Variants in GPC5 observed in about 807,000 individuals in gnomAD.
GPC5 encodes the protein glypican 5.
In GPC5, 47 loss-of-function variants were observed where a neutral mutation model predicts 53.9. The observed-to-expected ratio is 0.87, with a 90% CI of 0.69 to 1.11. GPC5 has a LOEUF of 1.11. GPC5 is among the 50% of genes most tolerant of loss of function. GPC5 has a pLI of 0.00. For synonymous variants in GPC5, 286 were observed against 263.3 expected (o/e 1.09, Z -0.84); for missense variants, 748 against 713.1 (o/e 1.05, Z -0.56).
intron 6 of GPC5, among the ~76,000 whole-genome samples, chr13:91,953,591 C>T (rs2040046825): frequency 6.6e-6 from 1 of 152,128 alleles, no homozygotes; most frequent in South Asian, 2.1e-4. Flanking sequence ...TAGGATTGCC[C>T]TAGTTCATTC....
At chr13:91,919,482 A>C (rs748222938) in intron 6 of GPC5, among the ~76,000 whole-genome samples, 2 of 152,228 alleles carry the variant, frequency 1.3e-5, no homozygotes, top group Non-Finnish European at 2.9e-5. Flanking sequence ...AAAACCATTT[A>C]GTTAATCACT....
At chr13:92,815,503 A>G (rs1265580758) in intron 7 of GPC5, among the ~76,000 whole-genome samples, 1 of 151,956 alleles carries the variant, frequency 6.6e-6, no homozygotes, top group Non-Finnish European at 1.5e-5. Context: ...ACTAATAGTC[A>G]TAGCCTGATT....
intron 5 of GPC5, among the ~76,000 whole-genome samples, chr13:91,782,993 G>GA (rs551543138): frequency 2.7e-3 from 402 of 147,112 alleles, no homozygotes; most frequent in African/African-American, 3.9e-3. Context: ...CATTGATTTT[G>GA]AAAAAAAAAA....
At chr13:92,230,374 G>T (rs12431208) in intron 7 of GPC5, among the ~76,000 whole-genome samples, 35,407 of 151,918 alleles carry the variant, frequency 0.23, 4,353 homozygotes, top group African/African-American at 0.31. Context: ...ATGTAATACT[G>T]GTTACTACCA....
At chr13:92,463,117 C>A (rs1280786686) in intron 7 of GPC5, among the ~76,000 whole-genome samples, 1 of 152,122 alleles carries the variant, frequency 6.6e-6, no homozygotes, top group Non-Finnish European at 1.5e-5. Context: ...AGGGCTTCAC[C>A]AGAACCTCAC....
At chr13:92,143,893 A>G (rs2041848196) in intron 6 of GPC5, among the ~76,000 whole-genome samples, 1 of 152,082 alleles carries the variant, frequency 6.6e-6, no homozygotes, top group African/African-American at 2.4e-5. Context: ...GTCTTTCATA[A>G]AGTGCTGTGA....
chr13:92,090,313 A>G (rs1016855135), intron 6 of GPC5, among the ~76,000 whole-genome samples: 2 of 152,174 alleles, frequency 1.3e-5, no homozygotes, highest in Non-Finnish European at 2.9e-5. Context: ...CCAAAATTCA[A>G]CTGTTGAAAT....
intron 1 of GPC5, among the ~76,000 whole-genome samples, chr13:91,404,072 C>G (rs1877146265): frequency 6.6e-6 from 1 of 152,174 alleles, no homozygotes; most frequent in Non-Finnish European, 1.5e-5. Flanking sequence ...ACCCCCCAAT[C>G]CCTATTATTT....
At chr13:91,716,631 A>G (rs1594470918) in intron 3 of GPC5, among the ~76,000 whole-genome samples, 1 of 152,164 alleles carries the variant, frequency 6.6e-6, no homozygotes, top group Non-Finnish European at 1.5e-5. Flanking sequence ...GCATTTGTCT[A>G]TCAAATATGT....
Position 92,300,352 on chromosome 13 carries a change from C to T in GPC5, c.1561+155363C>T, listed in dbSNP as rs188316354. ...TAAAGCAGTGGTTCTCAAACTTTAG[C>T]TACAGTAGAATCACCTGGAGAGTGT... On this transcript the variant is annotated intron_variant, in intron 7 of 7. Coordinates refer to ENST00000377067, the MANE Select transcript of GPC5 (RefSeq NM_004466.6). Among the ~76,000 whole-genome samples the T allele has an allele frequency of 1.4e-4, 22 of 152,268 alleles. No individual in the cohort carries two copies. The East Asian group carries it at 4.3e-3, about 29-fold the overall frequency.
At chr13:92,297,326 C>G (rs1301679764) in intron 7 of GPC5, among the ~76,000 whole-genome samples, 1 of 150,862 alleles carries the variant, frequency 6.6e-6, no homozygotes, top group Non-Finnish European at 1.5e-5. Context: ...CTGTATCTAG[C>G]TCAAGGTTTG....
At chr13:92,832,739 G>A (rs1293780919) in intron 7 of GPC5, among the ~76,000 whole-genome samples, 2 of 152,128 alleles carry the variant, frequency 1.3e-5, no homozygotes, top group Non-Finnish European at 2.9e-5. Flanking sequence ...CTGGCATGGT[G>A]GCTCACACCT....
At chr13:92,243,386 T>A (rs1234308140) in intron 7 of GPC5, among the ~76,000 whole-genome samples, 3 of 152,078 alleles carry the variant, frequency 2.0e-5, no homozygotes, top group Admixed American at 6.6e-5. Context: ...TTTCAAGAAG[T>A]AGATTAAAGA....
intron 7 of GPC5, among the ~76,000 whole-genome samples, chr13:92,544,876 A>G (rs1181342559): frequency 6.6e-6 from 1 of 151,956 alleles, no homozygotes; most frequent in East Asian, 1.9e-4. Context: ...GGTAAAGTTA[A>G]AAAACTCTCA....
At chr13:92,308,059 A>G (rs1366120972) in intron 7 of GPC5, among the ~76,000 whole-genome samples, 1 of 152,174 alleles carries the variant, frequency 6.6e-6, no homozygotes, top group Non-Finnish European at 1.5e-5. Flanking sequence ...CAAGGTAATC[A>G]TTATGTGTTC....
At chr13:91,725,211 A>T (rs1178241955) in intron 3 of GPC5, 1 of 152,260 alleles carries the variant, frequency 6.6e-6, no homozygotes, top group African/African-American at 2.4e-5. Context: ...CTGGGAAGGA[A>T]CTGAAAACCG....
intron 7 of GPC5, among the ~76,000 whole-genome samples, chr13:92,713,947 G>A (rs1888239823): frequency 6.6e-6 from 1 of 152,096 alleles, no homozygotes; most frequent in East Asian, 1.9e-4. Flanking sequence ...AGTTCACCAA[G>A]CAATTCCAGA....
chr13:92,432,202 C>T (rs1036937586), intron 7 of GPC5, among the ~76,000 whole-genome samples: 1 of 152,136 alleles, frequency 6.6e-6, no homozygotes. Flanking sequence ...GAGAGCATCA[C>T]CAGAAACTGA....
chr13:92,460,583 T>C (rs558518047), intron 7 of GPC5, among the ~76,000 whole-genome samples: 1 of 152,292 alleles, frequency 6.6e-6, no homozygotes, highest in South Asian at 2.1e-4. Flanking sequence ...TCAAGGGGCT[T>C]ATGCAGTAGT....
Sources: gnomAD v4.1 joint callset for allele counts (sites outside exome capture counted in the v4.1 genomes callset) on GRCh38, gnomAD v4.1.1 for gene constraint, MANE v1.5 for transcripts, NCBI Gene and HGNC (gene_info 2026-07-23, HGNC 2026-07-21) for gene names.